Variants in SATB2 observed in about 807,000 individuals in gnomAD.
SATB2 encodes SATB homeobox 2.
SATB2 carries 1 observed loss-of-function variant against 73.4 expected under a neutral mutation model. That is an observed-to-expected ratio of 0.01 (90% confidence interval 0.00 to 0.06). SATB2 has a LOEUF of 0.06. Among genes scored for constraint, SATB2 ranks in the 10% least tolerant of loss-of-function variants. The probability of loss-of-function intolerance (pLI) is 1.00; values close to 1 mark genes in which losing one functional copy is unlikely to be tolerated. For synonymous variants in SATB2, 397 were observed against 367.0 expected (o/e 1.08, Z -0.93); for missense variants, 459 against 945.8 (o/e 0.49, Z 6.75).
At chr2:199,440,106 A>AAAT (rs899763660) in intron 2 of SATB2, among the ~76,000 whole-genome samples, 19 of 152,102 alleles carry the variant, frequency 1.2e-4, no homozygotes, top group African/African-American at 3.9e-4. Context: ...ACTCTGCCTC[A>AAAT]AATAATAATA....
intron 6 of SATB2, among the ~76,000 whole-genome samples, chr2:199,360,277 CT>C (rs1689097589): frequency 6.6e-6 from 1 of 152,150 alleles, no homozygotes; most frequent in African/African-American, 2.4e-5. Context: ...TCTGTAGATT[CT>C]TTGTCAGCCC....
At chr2:199,283,010 C>CAATAGG (rs1692573078) in intron 10 of SATB2, among the ~76,000 whole-genome samples, 1 of 152,138 alleles carries the variant, frequency 6.6e-6, no homozygotes, top group Non-Finnish European at 1.5e-5. Flanking sequence ...AAAGTGTGGT[C>CAATAGG]CATGCAATAG....
intron 6 of SATB2, among the ~76,000 whole-genome samples, chr2:199,353,800 G>A (rs1013074564): frequency 6.6e-6 from 1 of 151,950 alleles, no homozygotes; most frequent in Non-Finnish European, 1.5e-5. Flanking sequence ...CCTAACAGCA[G>A]TGCCTGGTTT....
intron 3 of SATB2, among the ~76,000 whole-genome samples, chr2:199,393,266 G>A (rs1334233681): frequency 6.6e-6 from 1 of 152,172 alleles, no homozygotes; most frequent in African/African-American, 2.4e-5. Context: ...AAGAAAAGGA[G>A]GGAAGGAGGG....
At chr2:199,363,467 A>C (rs1201491193) in intron 6 of SATB2, among the ~76,000 whole-genome samples, 2 of 152,222 alleles carry the variant, frequency 1.3e-5, no homozygotes, top group Non-Finnish European at 2.9e-5. Context: ...AGTAGAGAGT[A>C]GAATGGTGTT....
intron 5 of SATB2, among the ~76,000 whole-genome samples, 182 bp downstream of exon 5, chr2:199,380,182 G>A (rs186493024): frequency 2.6e-4 from 40 of 152,190 alleles, no homozygotes; most frequent in Non-Finnish European, 4.0e-4. Context: ...CCCCATGCCC[G>A]GTTAATAAGC....
intron 5 of SATB2, among the ~76,000 whole-genome samples, chr2:199,375,209 T>C (rs1324136966): frequency 6.6e-6 from 1 of 152,090 alleles, no homozygotes; most frequent in Admixed American, 6.5e-5. Context: ...GGTTTTCAAA[T>C]TGGAACAGCT....
Position 199,464,433 on chromosome 2 carries a change from G to GCACACACACACACA in SATB2, c.-141+389_-141+402dup, listed in dbSNP as rs148806110. ...CACCACCATTTCCACGCGCGCGCGCGCACACACACACACACACACACAGAG... is the reference window on the plus strand; with the variant it reads ...CACCACCATTTCCACGCGCGCGCGCGCACACACACACACACACACACACACACACACACACAGAG... On this transcript the variant is annotated intron_variant, in intron 1 of 11. Transcript: ENST00000260926. This position sits in a 1 kb window ranked among gnomAD's most constrained non-coding sequence, Gnocchi z 6.6. Among the ~76,000 whole-genome samples, 18 of 149,468 alleles carry GCACACACACACACA rather than the reference G, an allele frequency of 1.2e-4. No individual in the cohort carries two copies. The highest frequency in any genetic ancestry group is 4.4e-4 in the African/African-American group (18 of 41,082).
chr2:199,332,668 TAC>T (rs1335465699), intron 7 of SATB2, among the ~76,000 whole-genome samples: 1 of 152,152 alleles, frequency 6.6e-6, no homozygotes, highest in Non-Finnish European at 1.5e-5. Flanking sequence ...TAAATGACCT[TAC>T]AGATTCTGAG....
chr2:199,381,489 G>A (rs1420768878), intron 4 of SATB2, among the ~76,000 whole-genome samples: 1 of 152,162 alleles, frequency 6.6e-6, no homozygotes, highest in African/African-American at 2.4e-5. Flanking sequence ...TGAAAACAAA[G>A]CATAAAGTAG....
chr2:199,449,144 A>G (rs1342918317), intron 2 of SATB2, among the ~76,000 whole-genome samples: 1 of 152,144 alleles, frequency 6.6e-6, no homozygotes, highest in Non-Finnish European at 1.5e-5. Flanking sequence ...AAGTTAAAGG[A>G]CATCAATTAA....
chr2:199,288,542 G>A (rs773553738), intron 10 of SATB2, among the ~76,000 whole-genome samples: 4 of 152,062 alleles, frequency 2.6e-5, no homozygotes, highest in Non-Finnish European at 2.9e-5. Flanking sequence ...TTTTACAGTT[G>A]GGGTACTCAG....
intron 2 of SATB2, among the ~76,000 whole-genome samples, chr2:199,453,868 C>T (rs1246477400): frequency 6.6e-6 from 1 of 151,826 alleles, no homozygotes; most frequent in Non-Finnish European, 1.5e-5. Context: ...AGTTTACTAT[C>T]GTGTATTATA....
chr2:199,287,516 AAAATAT>A (rs557727913), intron 10 of SATB2, among the ~76,000 whole-genome samples: 46 of 152,244 alleles, frequency 3.0e-4, no homozygotes, highest in Non-Finnish European at 5.4e-4. Flanking sequence ...CTAGTGATGA[AAAATAT>A]AAATTGAAAA....
intron 2 of SATB2, among the ~76,000 whole-genome samples, chr2:199,439,729 A>T (rs1691755492): frequency 6.6e-6 from 1 of 152,132 alleles, no homozygotes; most frequent in South Asian, 2.1e-4. Context: ...ACACTGACAC[A>T]ATCATACACA....
intron 8 of SATB2, 115 bp downstream of exon 8, chr2:199,328,583 A>G: frequency 1.4e-6 from 1 of 720,284 alleles, no homozygotes; most frequent in Non-Finnish European, 2.3e-6. Flanking sequence ...AAAAGAAAAA[A>G]AGGAAAGAAA....
chr2:199,422,397 T>A (rs1003934374), intron 3 of SATB2, among the ~76,000 whole-genome samples: 4 of 151,898 alleles, frequency 2.6e-5, no homozygotes, highest in African/African-American at 9.7e-5. Context: ...TATACAAATA[T>A]ACAAAAATAG....
At chr2:199,367,820 A>G (rs1388995892) in intron 6 of SATB2, among the ~76,000 whole-genome samples, 1 of 152,092 alleles carries the variant, frequency 6.6e-6, no homozygotes, top group Non-Finnish European at 1.5e-5. Context: ...TTTTTCCACC[A>G]CTGACATATT....
chr2:199,315,542 C>A (rs1171586162), intron 9 of SATB2, among the ~76,000 whole-genome samples: 2 of 152,136 alleles, frequency 1.3e-5, no homozygotes, highest in African/African-American at 4.8e-5. Flanking sequence ...TACTGAAATG[C>A]CACTGCATAC....
Sources: allele counts gnomAD v4.1 joint callset (sites outside exome capture counted in the v4.1 genomes callset), GRCh38; gene constraint gnomAD v4.1.1; non-coding constraint Gnocchi (gnomAD v3.1); transcripts MANE v1.5; gene names NCBI Gene and HGNC (gene_info 2026-07-23, HGNC 2026-07-21).